The following UBTD2 variants were observed in gnomAD, a reference collection of about 807,000 sequenced individuals.
The protein encoded by UBTD2 is ubiquitin domain containing 2.
In UBTD2, 9 loss-of-function variants were observed where a neutral mutation model predicts 19.8. The observed-to-expected ratio is 0.46, with a 90% CI of 0.27 to 0.79. The LOEUF (loss-of-function observed/expected upper bound fraction) is 0.79. Among genes scored for constraint, UBTD2 ranks in the 30% least tolerant of loss-of-function variants. The pLI is 0.14. For synonymous variants in UBTD2, 98 were observed against 103.9 expected (o/e 0.94, Z 0.35); for missense variants, 250 against 300.4 (o/e 0.83, Z 1.24).
At chr5:172,214,295 A>G (rs1252879053) in intron 2 of UBTD2, among the ~76,000 whole-genome samples, 1 of 152,230 alleles carries the variant, frequency 6.6e-6, no homozygotes, top group Non-Finnish European at 1.5e-5. Flanking sequence ...AGCACCTGAA[A>G]TGAGTCTGGA....
intron 2 of UBTD2, 143 bp downstream of exon 2, chr5:172,233,979 A>G (rs1478096779): frequency 1.3e-6 from 1 of 775,842 alleles, no homozygotes; most frequent in African/African-American, 1.7e-5. Context: ...TACAAGAAAA[A>G]AAGAGGAATG....
In UBTD2 at chr5:172,283,595, C is replaced by T; in HGVS notation, c.70+1G>A. On this transcript the variant is annotated splice_donor_variant, in intron 1 of 2. Transcript: ENST00000393792. LOFTEE classifies it high-confidence loss of function. The surrounding 1 kb of genome is among the most constrained non-coding windows in gnomAD (Gnocchi z 4.3). ...GAGGCTGCCCCCTGGCGCTCACCTA[C>T]CTCCGGTGCCCTCCGAGTTCTCGTT... The T allele has an allele frequency of 7.7e-7, 1 of 1,307,070 alleles. No homozygotes were observed. Among genetic ancestry groups the T allele is most frequent in the Non-Finnish European group, 9.8e-7 (1 of 1,019,316 alleles). 81.0% of individuals were successfully genotyped at this position (1,307,070 alleles called of 1,614,324 possible). A position where few individuals can be genotyped will look rare whatever the true frequency, so the allele number is the denominator to read the frequency against.
intron 1 of UBTD2, chr5:172,254,751 A>AT (rs1755104224): frequency 3.8e-6 from 1 of 261,902 alleles, no homozygotes; most frequent in African/African-American, 3.7e-5. Flanking sequence ...CACTGAGTTC[A>AT]TTAAGGGGGG....
chr5:172,214,763 C>T (rs1274373370), intron 2 of UBTD2, among the ~76,000 whole-genome samples: 2 of 152,146 alleles, frequency 1.3e-5, no homozygotes, highest in Non-Finnish European at 2.9e-5. Context: ...CTAGTTTATT[C>T]TTTTCGGCAC....
intron 2 of UBTD2, among the ~76,000 whole-genome samples, chr5:172,233,240 C>T (rs1183880784): frequency 1.3e-5 from 2 of 152,054 alleles, no homozygotes; most frequent in African/African-American, 2.4e-5. Context: ...GATAAAGGGA[C>T]GTACTAGGGA....
In UBTD2 at chr5:172,283,571, A is replaced by C. The variant is rs1755769431; in HGVS notation, c.70+25T>G. ...CCTGGCCGGGAACAATGGGGGGCCGAGGCTGCCCCCTGGCGCTCACCTACC... is the reference window on the plus strand; with the variant it reads ...CCTGGCCGGGAACAATGGGGGGCCGCGGCTGCCCCCTGGCGCTCACCTACC... On this transcript the variant is annotated intron_variant, in intron 1 of 2. Transcript: ENST00000393792. This position sits in a 1 kb window ranked among gnomAD's most constrained non-coding sequence, Gnocchi z 4.3. The C allele has an allele frequency of 7.7e-7, 1 of 1,292,824 alleles. No homozygotes were observed. The highest frequency in any genetic ancestry group is 3.8e-5 in the Admixed American group (1 of 26,582). 80.1% of individuals were successfully genotyped at this position (1,292,824 alleles called of 1,614,324 possible).
intron 1 of UBTD2, among the ~76,000 whole-genome samples, chr5:172,256,792 A>T (rs1755161533): frequency 6.6e-6 from 1 of 152,124 alleles, no homozygotes; most frequent in African/African-American, 2.4e-5. Flanking sequence ...GTGGTGGCAG[A>T]CACCTATAAT....
intron 1 of UBTD2, among the ~76,000 whole-genome samples, chr5:172,274,135 C>CTTTTTT (rs555392614): frequency 4.6e-5 from 5 of 108,648 alleles, no homozygotes; most frequent in Admixed American, 1.0e-4. Context: ...TTTTGCTTTA[C>CTTTTTT]TTTTTTTTTT....
At position 172,211,288 on chromosome 5, in the gene UBTD2, A is replaced by C. The variant is rs950145288; in HGVS notation, c.*542T>G. 2 of 152,592 alleles carry C rather than the reference A, an allele frequency of 1.3e-5. No individual in the cohort carries two copies. Among genetic ancestry groups the C allele is most frequent in the East Asian group, 3.8e-4 (2 of 5,198 alleles). The allele number at this position is 152,592 out of a possible 1,614,324, so 9.5% of individuals were successfully genotyped here. A position where few individuals can be genotyped will look rare whatever the true frequency, so the allele number is the denominator to read the frequency against. ...TTTATGGCTAAATATTAATTGAGCT[A>C]AGAATAAAAAACCAGAATAGAAGCA... On this transcript the variant is annotated 3_prime_UTR_variant, in exon 3 of 3. Coordinates refer to ENST00000393792, the MANE Select transcript of UBTD2 (RefSeq NM_152277.3).
chr5:172,264,744 C>T (rs1755339452), intron 1 of UBTD2, among the ~76,000 whole-genome samples: 2 of 151,642 alleles, frequency 1.3e-5, no homozygotes, highest in Admixed American at 1.3e-4. Flanking sequence ...GGCATAGTGG[C>T]ATGCGCCTAT....
At chr5:172,267,074 A>C (rs1755393885) in intron 1 of UBTD2, among the ~76,000 whole-genome samples, 1 of 151,266 alleles carries the variant, frequency 6.6e-6, no homozygotes, top group Non-Finnish European at 1.5e-5. Flanking sequence ...TTTTCCTAGA[A>C]TCTTACCGTA....
chr5:172,214,042 C>T (rs1289682706), intron 2 of UBTD2, among the ~76,000 whole-genome samples: 2 of 152,220 alleles, frequency 1.3e-5, no homozygotes, highest in Non-Finnish European at 2.9e-5. Context: ...GCCTTGGCCT[C>T]CCAAAGTGTT....
At chr5:172,212,288 C>T (rs1455753260) in intron 2 of UBTD2, 61 bp from the exon 3 acceptor site, 1 of 1,510,818 alleles carries the variant, frequency 6.6e-7, no homozygotes, top group Non-Finnish European at 8.9e-7. Flanking sequence ...TTTGTTTATG[C>T]CTCACAAAAT....
intron 2 of UBTD2, among the ~76,000 whole-genome samples, chr5:172,222,398 T>C (rs1194515590): frequency 6.6e-6 from 1 of 152,170 alleles, no homozygotes; most frequent in East Asian, 1.9e-4. Context: ...TTACTGATCA[T>C]CTTGAAGTGA....
At chr5:172,273,041 C>T (rs551377098) in intron 1 of UBTD2, among the ~76,000 whole-genome samples, 1 of 150,904 alleles carries the variant, frequency 6.6e-6, no homozygotes, top group South Asian at 2.1e-4. Context: ...CGTGCCACTG[C>T]ACTCCAGCCT....
Position 172,230,754 on chromosome 5 carries a change from T to C in UBTD2, c.307+3368A>G, listed in dbSNP as rs75581680. Reference sequence around the variant, plus strand: ...ATATTTAAGGGGTAGTACAACACAATGTGCCCAACGTAAAATTTATTTTTT... The same window carrying C: ...ATATTTAAGGGGTAGTACAACACAACGTGCCCAACGTAAAATTTATTTTTT... On this transcript the variant is annotated intron_variant, in intron 2 of 2. Coordinates refer to ENST00000393792, the MANE Select transcript of UBTD2 (RefSeq NM_152277.3). Among the ~76,000 whole-genome samples the C allele has an allele frequency of 9.6e-3, 1,460 of 152,020 alleles. 18 individuals are homozygous for C. Among genetic ancestry groups the C allele is most frequent in the African/African-American group, 0.033 (1,376 of 41,474 alleles).
intron 1 of UBTD2, among the ~76,000 whole-genome samples, chr5:172,248,580 TC>T (rs1754929376): frequency 6.9e-6 from 1 of 145,208 alleles, no homozygotes; most frequent in Non-Finnish European, 1.5e-5. Context: ...AGAGCGAGAC[TC>T]CGTCTAAAAA....
chr5:172,260,517 C>A (rs2113095957), intron 1 of UBTD2, among the ~76,000 whole-genome samples: 1 of 152,186 alleles, frequency 6.6e-6, no homozygotes, highest in Admixed American at 6.5e-5. Flanking sequence ...GCAGGTATAT[C>A]ATAGGTTTTA....
intron 2 of UBTD2, among the ~76,000 whole-genome samples, chr5:172,223,580 C>T (rs925538023): frequency 1.4e-4 from 13 of 90,728 alleles, no homozygotes; most frequent in Non-Finnish European, 2.0e-4. Context: ...GCCTGGGCGA[C>T]GGAGTCAAAA....
Sources: allele counts gnomAD v4.1 joint callset (sites outside exome capture counted in the v4.1 genomes callset), GRCh38; gene constraint gnomAD v4.1.1; non-coding constraint Gnocchi (gnomAD v3.1); transcripts MANE v1.5; gene names NCBI Gene and HGNC (gene_info 2026-07-23, HGNC 2026-07-21).